The following THNSL2 variants were observed in gnomAD, a reference collection of about 807,000 sequenced individuals.
THNSL2 encodes threonine synthase-like 2.
In THNSL2, 34 loss-of-function variants were observed where a neutral mutation model predicts 40.0. The ratio of observed to expected loss-of-function variants is 0.85; its 90% CI spans 0.65 to 1.13. The LOEUF is 1.13. Among genes scored for constraint, THNSL2 ranks in the 50% most tolerant of loss-of-function variants. The pLI, the probability that THNSL2 is intolerant of heterozygous loss-of-function variation, is 0.00. For missense variants in THNSL2, 537 were observed against 608.8 expected, an observed-to-expected ratio of 0.88 and a Z score of 1.24; for synonymous variants, 241 against 247.5, an observed-to-expected ratio of 0.97 and a Z score of 0.25.
At chr2:88,184,165 T>C (rs1678004139) in intron 7 of THNSL2, among the ~76,000 whole-genome samples, 1 of 152,200 alleles carries the variant, frequency 6.6e-6, no homozygotes, top group Admixed American at 6.5e-5. Flanking sequence ...CCTTCTGGAA[T>C]CTGTGCTTCT....
chr2:88,185,569 G>GA, intron 8 of THNSL2, 90 bp downstream of exon 8: 1 of 1,551,840 alleles, frequency 6.4e-7, no homozygotes, highest in East Asian at 2.4e-5. Flanking sequence ...ACAGGACTAC[G>GA]AAAAAATGGC....
intron 7 of THNSL2, chr2:88,183,695 G>A (rs1285153261): frequency 2.7e-5 from 4 of 150,104 alleles, no homozygotes; most frequent in Non-Finnish European, 4.4e-5. Flanking sequence ...TGGAAAAGGA[G>A]AAATTTTATT....
At chr2:88,181,173 TCTCTCTCTCCTCTCTCTCCCTCTCTCTC>T (rs1677539608) in intron 5 of THNSL2, among the ~76,000 whole-genome samples, 1 of 1,632 alleles carries the variant, frequency 6.1e-4, no homozygotes, top group African/African-American at 2.7e-3. Context: ...CTCTCTCTCC[TCTCTCTCTCCTCTCTCTCCCTCTCTCTC>T]CTCTCTCTCC....
Position 88,174,769 on chromosome 2 carries a change from CT to C in THNSL2, c.355del (p.Cys119AlafsTer21). ...TYAFKDLSLS[C>X]TTQFLQYFLE... ...ATGCATTTAAGGACCTGTCCCTGTCCTGCACAACACAGTTCCTGCAGTACTT... is the reference window on the plus strand; with the variant it reads ...ATGCATTTAAGGACCTGTCCCTGTCCGCACAACACAGTTCCTGCAGTACTT... On this transcript the variant is annotated frameshift_variant, in exon 3 of 9. Transcript: ENST00000674334. LOFTEE classifies it high-confidence loss of function. 7 of 1,614,176 alleles carry C rather than the reference CT, an allele frequency of 4.3e-6. No homozygotes were observed. The highest frequency in any genetic ancestry group is 5.9e-6 in the Non-Finnish European group (7 of 1,180,034).
In THNSL2 at chr2:88,179,577, C is replaced by A. The variant is rs529677153; in HGVS notation, c.802+564C>A. Among the ~76,000 whole-genome samples the A allele has an allele frequency of 4.0e-4, 61 of 152,324 alleles. 1 individual carries two copies. The South Asian group carries it at 0.013, about 32-fold the overall frequency. On this transcript the variant is annotated intron_variant, in intron 5 of 8. Coordinates refer to ENST00000674334, the MANE Select transcript of THNSL2 (RefSeq NM_018271.5). ...TGAGATTGTGTCACTCATCCTATCT[C>A]CCAGGACTGCCTCGATGAGCGAATC...
rs377665314 is a variant in THNSL2, at chr2:88,185,937, G to A, written c.1269G>A (p.Lys423=). ...GCCTCGCCCCTGCCTCTGCAGCCAA[G>A]TTCCCGGAAGCTGTCCTGGCTGCTG... ...RCCLAPASAA[K]FPEAVLAAGL... Residue 423 remains lysine (K), a synonymous_variant, in exon 9 of 9, where the codon AAG becomes AAA. Coordinates refer to ENST00000674334, the MANE Select transcript of THNSL2 (RefSeq NM_018271.5). The A allele has an allele frequency of 1.2e-6, 2 of 1,611,858 alleles. No homozygotes were observed. Among genetic ancestry groups the A allele is most frequent in the Admixed American group, 3.3e-5 (2 of 59,828 alleles).
In THNSL2 at chr2:88,170,414, TCGCGCCCCGCGCCCCGCGCCC is replaced by T; in HGVS notation, c.-37_-17del. On this transcript the variant is annotated 5_prime_UTR_variant, in exon 1 of 9. Transcript: ENST00000674334. The stretch of plus-strand genomic sequence containing the variant: ...GGGCAGCCCTGCTGCGCACCGGGCC[TCGCGCCCCGCGCCCCGCGCCC>T]CGCGCCCCGCGCCCCGCACCGGTAA... 1.1e-3 allele frequency: 167 copies of T among 149,160 alleles called. No homozygotes were observed. The highest frequency in any genetic ancestry group is 3.9e-3 in the African/African-American group (157 of 40,112). The allele number at this position is 149,160 out of a possible 1,614,324, so 9.2% of individuals were successfully genotyped here.
chr2:88,170,605 C>G (rs1676259117), intron 1 of THNSL2, 149 bp downstream of exon 1: 1 of 152,314 alleles, frequency 6.6e-6, no homozygotes, highest in East Asian at 1.9e-4. Flanking sequence ...TTCCGGCGCT[C>G]GGACTTGAGG....
intron 4 of THNSL2, chr2:88,175,683 C>A (rs62157023): frequency 0.19 from 70,574 of 365,424 alleles, 7,346 homozygotes; most frequent in Middle Eastern, 0.26. Flanking sequence ...CCATGCATGT[C>A]CAACCTGCAA....
In THNSL2 at chr2:88,186,049, A is replaced by T; in HGVS notation, c.1381A>T (p.Met461Leu). ...CCTGATGCGGAGAGGTGACAACTGG[A>T]TGCTGATGCTTCGGGACACCATTGA... is the stretch of plus-strand genomic sequence containing the variant. ...CTLMRRGDNW[M>L]LMLRDTIEDL... is the part of the protein sequence containing the mutation. Residue 461 changes from methionine (M) to leucine (L), a missense_variant, in exon 9 of 9, where the codon ATG becomes TTG. Coordinates refer to ENST00000674334, the MANE Select transcript of THNSL2 (RefSeq NM_018271.5). The T allele has an allele frequency of 6.3e-7, 1 of 1,593,596 alleles. No individual in the cohort carries two copies. The highest frequency in any genetic ancestry group is 2.3e-5 in the East Asian group (1 of 44,128).
At chr2:88,180,635 C>T (rs993054780) in intron 5 of THNSL2, among the ~76,000 whole-genome samples, 1 of 152,048 alleles carries the variant, frequency 6.6e-6, no homozygotes, top group Non-Finnish European at 1.5e-5. Context: ...TTGTCCCTAA[C>T]TCCCCTTAGC....
At chr2:88,176,988 C>T (rs1300360091) in intron 4 of THNSL2, 1 of 152,194 alleles carries the variant, frequency 6.6e-6, no homozygotes, top group Non-Finnish European at 1.5e-5. Flanking sequence ...GTGCCTCTGT[C>T]CTGCCTCCTA....
chr2:88,173,099 G>A (rs1319970431), intron 1 of THNSL2, 40 bp from the exon 2 acceptor site: 2 of 1,427,116 alleles, frequency 1.4e-6, no homozygotes, highest in Non-Finnish European at 1.9e-6. Context: ...GGGTGTGGGA[G>A]CTTGGAGACC....
At chr2:88,183,166 C>T (rs893840667) in intron 7 of THNSL2, 93 bp downstream of exon 7, 1 of 1,521,780 alleles carries the variant, frequency 6.6e-7, no homozygotes, top group Non-Finnish European at 8.9e-7. Context: ...AAGAGGACAC[C>T]TGTTTCTTGA....
At chr2:88,176,511 A>G (rs2104173473) in intron 4 of THNSL2, 1 of 152,340 alleles carries the variant, frequency 6.6e-6, no homozygotes, top group South Asian at 2.1e-4. Context: ...GGCCTGGCTT[A>G]GTTTGGTCAC....
chr2:88,182,926 C>G, intron 6 of THNSL2, 22 bp from the exon 7 acceptor site: 1 of 1,614,076 alleles, frequency 6.2e-7, no homozygotes, highest in Non-Finnish European at 8.5e-7. Context: ...CAGTCTGGAC[C>G]TGAAACTGAC....
At position 88,182,999 on chromosome 2, in the gene THNSL2, C is replaced by T. The variant is rs751722829; in HGVS notation, c.1003C>T (p.Gln335Ter). ...CTGGCTGCTCTCTGGCTCTGACAGC[C>T]AGGTGACAAGAGCCCTCATGGAGCA... is the stretch of plus-strand genomic sequence containing the variant. Reference protein sequence around the residue: ...VFWLLSGSDSQVTRALMEQFE... With the variant: ...VFWLLSGSDS Residue 335 changes from glutamine (Q) to a stop codon, truncating the protein, a stop_gained, in exon 7 of 9, where the codon CAG (glutamine) becomes TAG (stop). Transcript: ENST00000674334. LOFTEE classifies it high-confidence loss of function. The T allele has an allele frequency of 2.5e-6, 4 of 1,614,006 alleles. No homozygotes were observed. Among genetic ancestry groups the T allele is most frequent in the Non-Finnish European group, 3.4e-6 (4 of 1,180,030 alleles).
At position 88,182,706 on chromosome 2, in the gene THNSL2, C is replaced by T. The variant is rs1388683175; in HGVS notation, c.810C>T (p.Tyr270=). 5.6e-6 allele frequency: 9 copies of T among 1,608,964 alleles called. No homozygotes were observed. In the African/African-American group the frequency reaches 6.7e-5, roughly 12 times the overall value. Residue 270 remains tyrosine (Y), a synonymous_variant, in exon 6 of 9, where the codon TAC becomes TAT. Coordinates refer to ENST00000674334, the MANE Select transcript of THNSL2 (RefSeq NM_018271.5). ...TGAAGNLAAG[Y]IAQKIGLPIR... ...CTCCTCTCTTGTCTTAAGCTGGGTA[C>T]ATTGCTCAAAAGATAGGCCTGCCCA...
intron 7 of THNSL2, among the ~76,000 whole-genome samples, chr2:88,184,365 T>G (rs1015207591): frequency 6.6e-6 from 1 of 152,172 alleles, no homozygotes; most frequent in Non-Finnish European, 1.5e-5. Context: ...ATGTTATATA[T>G]CTACTGTGAG....
Sources: allele counts gnomAD v4.1 joint callset (sites outside exome capture counted in the v4.1 genomes callset), GRCh38; gene constraint gnomAD v4.1.1; transcripts MANE v1.5; gene names NCBI Gene and HGNC (gene_info 2026-07-23, HGNC 2026-07-21).